WNT6: variants seen among roughly 807,000 people sequenced by gnomAD.
The protein encoded by WNT6 is protein Wnt-6.
Under a neutral mutation model 33.1 loss-of-function variants are expected in WNT6, and 27 were observed. The ratio of observed to expected loss-of-function variants is 0.82; its 90% CI spans 0.60 to 1.12. The LOEUF (loss-of-function observed/expected upper bound fraction) is 1.12, where lower values mean the gene tolerates loss of function less well. WNT6 is among the 50% of genes most tolerant of loss of function. The probability of loss-of-function intolerance (pLI) is 0.00; values close to 1 mark genes in which losing one functional copy is unlikely to be tolerated. For missense variants in WNT6, 494 were observed against 535.3 expected (o/e 0.92, Z 0.76); for synonymous variants, 249 against 242.8 (o/e 1.03, Z -0.24).
rs780031461 is a variant in WNT6, at chr2:218,871,824, G to T, written c.636+5G>T. The T allele has an allele frequency of 3.8e-6, 6 of 1,578,618 alleles. No individual in the cohort carries two copies. The highest frequency in any genetic ancestry group is 4.3e-6 in the Non-Finnish European group (5 of 1,164,718). ...AACAACGAGGCGGGCAGGCTGGTGC[G>T]TACGGGCAGGATGGAGTGAGTGTGT... On this transcript the variant is annotated splice_donor_5th_base_variant and intron_variant, in intron 3 of 3. Transcript: ENST00000233948. The surrounding 1 kb of genome is among the most constrained non-coding windows in gnomAD (Gnocchi z 6.4).
At chr2:218,860,338 A>T (rs1277728580) in intron 1 of WNT6, among the ~76,000 whole-genome samples, 1 of 151,956 alleles carries the variant, frequency 6.6e-6, no homozygotes, top group African/African-American at 2.4e-5. Flanking sequence ...ACCCCCCGCC[A>T]AGTTATGCGC....
At chr2:218,872,814 A>G (rs1944414856) in intron 3 of WNT6, among the ~76,000 whole-genome samples, 2 of 152,132 alleles carry the variant, frequency 1.3e-5, no homozygotes, top group South Asian at 2.1e-4. Flanking sequence ...GGACATCGCC[A>G]TACATACCGT....
chr2:218,871,920 A>AG lies in WNT6; in HGVS notation c.636+107dup, dbSNP rs1944406129. ...GGCAGGAGTGAGGGTGTGTAGGTGG[A>AG]GGGGGGCGTTAATGTGTGGGGGAGT... On this transcript the variant is annotated intron_variant, in intron 3 of 3. Transcript: ENST00000233948. This position sits in a 1 kb window ranked among gnomAD's most constrained non-coding sequence, Gnocchi z 6.4. 1 of 475,166 alleles carries AG rather than the reference A, an allele frequency of 2.1e-6. No homozygotes were observed. Among genetic ancestry groups the AG allele is most frequent in the Non-Finnish European group, 3.0e-6 (1 of 335,930 alleles). The allele number at this position is 475,166 out of a possible 1,614,324, so 29.4% of individuals were successfully genotyped here.
intron 1 of WNT6, among the ~76,000 whole-genome samples, chr2:218,862,303 T>C (rs1944316088): frequency 6.6e-6 from 1 of 152,156 alleles, no homozygotes; most frequent in African/African-American, 2.4e-5. Flanking sequence ...CCCTTCACTC[T>C]CCTTTGTCTA....
At position 218,873,031 on chromosome 2, in the gene WNT6, G is replaced by C. The variant is rs2106006454; in HGVS notation, c.637-353G>C. 6.6e-6 allele frequency among the ~76,000 whole-genome samples: 1 copy of C among 152,160 alleles called. No individual in the cohort carries two copies. The highest frequency in any genetic ancestry group is 1.5e-5 in the Non-Finnish European group (1 of 67,986). On this transcript the variant is annotated intron_variant, in intron 3 of 3. Coordinates refer to ENST00000233948, the MANE Select transcript of WNT6 (RefSeq NM_006522.4). This position sits in a 1 kb window ranked among gnomAD's most constrained non-coding sequence, Gnocchi z 6.1. The stretch of plus-strand genomic sequence containing the variant: ...GGGGGCCAGGTAGGCAGGAGAGCTA[G>C]ACTTCGACAGCTGCCACCTCTCCCC...
In WNT6 at chr2:218,871,724, G is replaced by C. The variant is rs745692608; in HGVS notation, c.541G>C (p.Glu181Gln). 1.9e-6 allele frequency: 3 copies of C among 1,594,498 alleles called. No individual in the cohort carries two copies. Among genetic ancestry groups the C allele is most frequent in the South Asian group, 1.1e-5 (1 of 90,034 alleles). The stretch of plus-strand genomic sequence containing the variant: ...CGGCGACGACGTGGACTTCGGGGAC[G>C]AGAAGTCGAGGCTCTTTATGGACGC... ...GCGDDVDFGD[E>Q]KSRLFMDARH... is the part of the protein sequence containing the mutation. The change falls in exon 3 of 4, where the codon GAG becomes CAG. Residue 181 changes from glutamate (E) to glutamine (Q), a missense_variant. Transcript: ENST00000233948. This position sits in a 1 kb window ranked among gnomAD's most constrained non-coding sequence, Gnocchi z 6.4.
intron 1 of WNT6, among the ~76,000 whole-genome samples, chr2:218,862,247 C>A (rs1481419052): frequency 1.3e-5 from 2 of 152,198 alleles, no homozygotes; most frequent in African/African-American, 2.4e-5. Context: ...GACTGCCTTG[C>A]TCAGATGTGC....
At position 218,871,919 on chromosome 2, in the gene WNT6, GA is replaced by G; in HGVS notation, c.636+101del. On this transcript the variant is annotated intron_variant, in intron 3 of 3. Transcript: ENST00000233948. The surrounding 1 kb of genome is among the most constrained non-coding windows in gnomAD (Gnocchi z 6.4). ...TGGCAGGAGTGAGGGTGTGTAGGTG[GA>G]GGGGGGCGTTAATGTGTGGGGGAGT... 1 of 555,530 alleles carries G rather than the reference GA, an allele frequency of 1.8e-6. No homozygotes were observed. Among genetic ancestry groups the G allele is most frequent in the South Asian group, 3.1e-5 (1 of 32,742 alleles). The allele number at this position is 555,530 out of a possible 1,614,324, so 34.4% of individuals were successfully genotyped here.
Position 218,873,473 on chromosome 2 carries a change from A to G in WNT6, c.726A>G (p.Pro242=), listed in dbSNP as rs1294162474. The change falls in exon 4 of 4, where the codon CCA becomes CCG. Residue 242 remains proline, a synonymous_variant. Coordinates refer to ENST00000233948, the MANE Select transcript of WNT6 (RefSeq NM_006522.4). The surrounding 1 kb of genome is among the most constrained non-coding windows in gnomAD (Gnocchi z 6.1). ...GCACCTGCTGGCAGAAGCTGCCTCC[A>G]TTTCGCGAGGTGGGCGCGCGGCTGC... The part of the protein sequence containing the change: ...ALRTCWQKLP[P]FREVGARLLE... 9 of 1,538,854 alleles carry G rather than the reference A, an allele frequency of 5.8e-6. No homozygotes were observed. Among genetic ancestry groups the G allele is most frequent in the African/African-American group, 1.4e-5 (1 of 72,980 alleles).
chr2:218,871,119 A>G lies in WNT6; in HGVS notation c.173A>G (p.Glu58Gly), dbSNP rs2106005376. 1 of 1,613,786 alleles carries G rather than the reference A, an allele frequency of 6.2e-7. No individual in the cohort carries two copies. The highest frequency in any genetic ancestry group is 1.1e-5 in the South Asian group (1 of 91,058). Residue 58 changes from glutamate (E) to glycine (G), a missense_variant, in exon 2 of 4, where the codon GAG (glutamate) becomes GGG (glycine). By Grantham distance (98) the Glu-to-Gly change is moderately conservative. Transcript: ENST00000233948. The surrounding 1 kb of genome is among the most constrained non-coding windows in gnomAD (Gnocchi z 6.4). ...CGGCAGGCCGAGTTGTGCCAGGCTGAGCCGGAAGTGGTGGCAGAGCTAGCT... is the reference window on the plus strand; with the variant it reads ...CGGCAGGCCGAGTTGTGCCAGGCTGGGCCGGAAGTGGTGGCAGAGCTAGCT... ...AGRQAELCQAEPEVVAELARG... is the reference protein window; with the variant it reads ...AGRQAELCQAGPEVVAELARG...
intron 1 of WNT6, among the ~76,000 whole-genome samples, chr2:218,869,581 G>C (rs1944382719): frequency 6.6e-6 from 1 of 152,114 alleles, no homozygotes; most frequent in African/African-American, 2.4e-5. Context: ...CCTGTCCTCT[G>C]CTGAAGAGCT....
intron 1 of WNT6, among the ~76,000 whole-genome samples, chr2:218,864,878 C>T (rs1225782807): frequency 6.6e-6 from 1 of 152,244 alleles, no homozygotes; most frequent in African/African-American, 2.4e-5. Flanking sequence ...GTTGCTGGCC[C>T]CTGCTGAGCT....
In WNT6 at chr2:218,873,667, G is replaced by A; in HGVS notation, c.920G>A (p.Gly307Asp). Residue 307 changes from glycine (G) to aspartate (D), a missense_variant, in exon 4 of 4, where the codon GGT (glycine) becomes GAT (aspartate). Coordinates refer to ENST00000233948, the MANE Select transcript of WNT6 (RefSeq NM_006522.4). This position sits in a 1 kb window ranked among gnomAD's most constrained non-coding sequence, Gnocchi z 6.1. Reference protein sequence around the residue: ...NRRTGSPGTRGRACNSSAPDL... With the variant: ...NRRTGSPGTRDRACNSSAPDL... ...CGCACCGGCTCCCCCGGCACGCGCG[G>A]TCGCGCCTGCAATAGCAGCGCCCCG... 1 of 1,582,454 alleles carries A rather than the reference G, an allele frequency of 6.3e-7. No homozygotes were observed. The highest frequency in any genetic ancestry group is 2.3e-5 in the East Asian group (1 of 42,834).
intron 1 of WNT6, among the ~76,000 whole-genome samples, chr2:218,862,599 T>A (rs4281897): frequency 0.015 from 2,210 of 152,286 alleles, 16 homozygotes; most frequent in Non-Finnish European, 0.024. Flanking sequence ...GTCAGGCTGG[T>A]CTCAAACTCC....
intron 1 of WNT6, among the ~76,000 whole-genome samples, chr2:218,866,473 G>T (rs1265685528): frequency 6.6e-6 from 1 of 152,118 alleles, no homozygotes; most frequent in Non-Finnish European, 1.5e-5. Flanking sequence ...GTGTTCTCAG[G>T]AATCCACAAT....
At chr2:218,869,278 C>A (rs1396193987) in intron 1 of WNT6, among the ~76,000 whole-genome samples, 2 of 152,076 alleles carry the variant, frequency 1.3e-5, no homozygotes, top group Non-Finnish European at 2.9e-5. Flanking sequence ...GTGTTGTAGA[C>A]CATAAAGGAC....
Position 218,871,828 on chromosome 2 carries a change from G to A in WNT6, c.636+9G>A, listed in dbSNP as rs1370955726. The A allele has an allele frequency of 1.3e-6, 2 of 1,574,404 alleles. No homozygotes were observed. Among genetic ancestry groups the A allele is most frequent in the Non-Finnish European group, 1.7e-6 (2 of 1,162,472 alleles). On this transcript the variant is annotated intron_variant, in intron 3 of 3. Coordinates refer to ENST00000233948, the MANE Select transcript of WNT6 (RefSeq NM_006522.4). This position sits in a 1 kb window ranked among gnomAD's most constrained non-coding sequence, Gnocchi z 6.4. ...ACGAGGCGGGCAGGCTGGTGCGTAC[G>A]GGCAGGATGGAGTGAGTGTGTGCGG...
intron 1 of WNT6, among the ~76,000 whole-genome samples, chr2:218,863,643 G>A (rs771399302): frequency 6.6e-6 from 1 of 152,198 alleles, no homozygotes; most frequent in Non-Finnish European, 1.5e-5. Context: ...GAGGTCAGGA[G>A]TTCGAGACCA....
At chr2:218,868,449 G>A (rs541421707) in intron 1 of WNT6, among the ~76,000 whole-genome samples, 2 of 152,280 alleles carry the variant, frequency 1.3e-5, no homozygotes, top group Non-Finnish European at 2.9e-5. Flanking sequence ...AGAGGGCAGG[G>A]TTGAGGAGGA....
Sources: allele counts gnomAD v4.1 joint callset (sites outside exome capture counted in the v4.1 genomes callset), GRCh38; gene constraint gnomAD v4.1.1; non-coding constraint Gnocchi (gnomAD v3.1); transcripts MANE v1.5; gene names NCBI Gene and HGNC (gene_info 2026-07-23, HGNC 2026-07-21).